The following ITGA2 variants were observed in gnomAD, a reference collection of about 807,000 sequenced individuals.
The protein encoded by ITGA2 is integrin subunit alpha 2.
Under a neutral mutation model 146.3 loss-of-function variants are expected in ITGA2, and 101 were observed. The observed-to-expected ratio is 0.69, with a 90% CI of 0.59 to 0.81. The LOEUF is 0.81. Ranked by LOEUF, ITGA2 falls within the 40% of genes least tolerant of loss-of-function variation. The probability of loss-of-function intolerance (pLI) is 0.00; values close to 1 mark genes in which losing one functional copy is unlikely to be tolerated. For synonymous variants in ITGA2, 477 were observed against 487.1 expected, an observed-to-expected ratio of 0.98 and a Z score of 0.27; for missense variants, 1,281 against 1,402.7, an observed-to-expected ratio of 0.91 and a Z score of 1.39.
At chr5:52,995,251 G>A (rs1178543291) in intron 1 of ITGA2, among the ~76,000 whole-genome samples, 1 of 152,216 alleles carries the variant, frequency 6.6e-6, no homozygotes, top group Non-Finnish European at 1.5e-5. Flanking sequence ...GAAAGGTCTT[G>A]AAGGGCCTTG....
In ITGA2 at chr5:53,083,359, G is replaced by A. The variant is rs746674513; in HGVS notation, c.3164G>A (p.Cys1055Tyr). The change falls in exon 27 of 30, where the codon TGT becomes TAT. Residue 1055 changes from cysteine (C) to tyrosine (Y), a missense_variant. By Grantham distance (194) the Cys-to-Tyr change is radical. Coordinates refer to ENST00000296585, the MANE Select transcript of ITGA2 (RefSeq NM_002203.4). ...TATAAGAACTGCAGAACTGCTTCCTGTAGTAATGTTACCTGCTGGTTGAAA... is the reference window on the plus strand; with the variant it reads ...TATAAGAACTGCAGAACTGCTTCCTATAGTAATGTTACCTGCTGGTTGAAA... ...TKELNCRTASCSNVTCWLKDV... is the reference protein window; with the variant it reads ...TKELNCRTASYSNVTCWLKDV... The A allele has an allele frequency of 1.2e-6, 2 of 1,609,726 alleles. No individual in the cohort carries two copies. The highest frequency in any genetic ancestry group is 1.7e-6 in the Non-Finnish European group (2 of 1,176,102).
chr5:53,070,053 C>A, intron 16 of ITGA2, 56 bp from the exon 17 acceptor site: 1 of 1,443,818 alleles, frequency 6.9e-7, no homozygotes, highest in Non-Finnish European at 9.7e-7. Context: ...AGCAAAGATG[C>A]TTTTTCCTAT....
chr5:53,034,447 T>C (rs937853020), intron 2 of ITGA2, among the ~76,000 whole-genome samples: 3 of 152,016 alleles, frequency 2.0e-5, no homozygotes, highest in Non-Finnish European at 4.4e-5. Context: ...ACACTTTAAA[T>C]ATCTCCTGAT....
At chr5:53,015,875 A>G (rs938538300) in intron 1 of ITGA2, among the ~76,000 whole-genome samples, 5 of 152,080 alleles carry the variant, frequency 3.3e-5, no homozygotes, top group Admixed American at 6.5e-5. Context: ...TGTTGGTTTA[A>G]AGTCAATTTT....
rs144615586 is a variant in ITGA2 at position 53,053,992 on chromosome 5, A to G, written c.780-1546A>G. Among the ~76,000 whole-genome samples, 138 of 152,286 alleles carry G rather than the reference A, an allele frequency of 9.1e-4. 2 individuals are homozygous for G. In the East Asian group the frequency reaches 0.021, roughly 23 times the overall value. On this transcript the variant is annotated intron_variant, in intron 7 of 29. Coordinates refer to ENST00000296585, the MANE Select transcript of ITGA2 (RefSeq NM_002203.4). ...TACAGTGTATCATAAAGAGAATGTG[A>G]CACTCAGAAAGGATCTGATGTGGAT...
intron 3 of ITGA2, 98 bp downstream of exon 3, chr5:53,042,319 C>T (rs1357307781): frequency 1.1e-6 from 1 of 873,648 alleles, no homozygotes; most frequent in Admixed American, 1.8e-5. Flanking sequence ...GAAATACAGA[C>T]AGCTTTTTTT....
intron 16 of ITGA2, 111 bp downstream of exon 16, chr5:53,067,368 A>G (rs1227333343): frequency 1.7e-6 from 2 of 1,167,548 alleles, no homozygotes; most frequent in East Asian, 2.5e-5. Context: ...TTTTAGTTAT[A>G]GACACTTAAG....
intron 29 of ITGA2, 73 bp from the exon 30 acceptor site, chr5:53,090,446 C>A: frequency 7.8e-7 from 1 of 1,275,418 alleles, no homozygotes; most frequent in Non-Finnish European, 1.1e-6. Context: ...AGGACGTGGG[C>A]AGCCAAGGGG....
chr5:53,060,686 A>C (rs993437196), intron 11 of ITGA2, among the ~76,000 whole-genome samples: 1 of 151,940 alleles, frequency 6.6e-6, no homozygotes, highest in Non-Finnish European at 1.5e-5. Flanking sequence ...TATAGGTAGA[A>C]GTCCCACCTG....
chr5:53,026,672 A>G (rs1742962646), intron 1 of ITGA2, 76 bp from the exon 2 acceptor site: 2 of 1,333,452 alleles, frequency 1.5e-6, no homozygotes, highest in African/African-American at 2.9e-5. Flanking sequence ...TTTCTTAAAA[A>G]TGGCCTTTGA....
At chr5:53,068,274 A>T (rs1745234624) in intron 16 of ITGA2, among the ~76,000 whole-genome samples, 1 of 151,944 alleles carries the variant, frequency 6.6e-6, no homozygotes, top group African/African-American at 2.4e-5. Flanking sequence ...GAAGTTTTCC[A>T]TGCAGATGTT....
At chr5:53,033,322 T>A (rs1343881918) in intron 2 of ITGA2, among the ~76,000 whole-genome samples, 1 of 152,078 alleles carries the variant, frequency 6.6e-6, no homozygotes, top group Non-Finnish European at 1.5e-5. Flanking sequence ...CCAATTCTCA[T>A]CTGTCATGGA....
intron 4 of ITGA2, among the ~76,000 whole-genome samples, chr5:53,045,354 A>G (rs934354058): frequency 6.6e-6 from 1 of 152,222 alleles, no homozygotes; most frequent in Admixed American, 6.5e-5. Context: ...GCCCTTGGAA[A>G]GTGTGCTGAG....
chr5:53,042,279 A>G (rs1486964350), intron 3 of ITGA2, 58 bp downstream of exon 3: 1 of 1,049,896 alleles, frequency 9.5e-7, no homozygotes. Context: ...CTGAAAAATA[A>G]CATCAGAACA....
At position 53,071,986 on chromosome 5, in the gene ITGA2, C is replaced by G; in HGVS notation, c.2284C>G (p.Leu762Val). 1 of 1,612,368 alleles carries G rather than the reference C, an allele frequency of 6.2e-7. No individual in the cohort carries two copies. Among genetic ancestry groups the G allele is most frequent in the South Asian group, 1.1e-5 (1 of 91,062 alleles). The change falls in exon 18 of 30, where the codon CTG becomes GTG. Residue 762 changes from leucine (L) to valine (V), a missense_variant. By Grantham distance (32) the Leu-to-Val change is conservative (BLOSUM62 1). Coordinates refer to ENST00000296585, the MANE Select transcript of ITGA2 (RefSeq NM_002203.4). Reference sequence around the variant, plus strand: ...TTTGGATTTGCGTGTGGACATCAGTCTGGAAAACCCTGGCACTAGCCCTGC... The same window carrying G: ...TTTGGATTTGCGTGTGGACATCAGTGTGGAAAACCCTGGCACTAGCCCTGC... The part of the protein sequence containing the change: ...NSLDLRVDIS[L>V]ENPGTSPALE...
chr5:53,042,126 C>A lies in ITGA2; in HGVS notation c.200C>A (p.Ser67Ter), dbSNP rs1449133613. The A allele has an allele frequency of 1.2e-6, 2 of 1,611,254 alleles. No homozygotes were observed. The highest frequency in any genetic ancestry group is 1.7e-6 in the Non-Finnish European group (2 of 1,177,442). Residue 67 changes from serine (S) to a stop codon, truncating the protein, a stop_gained, in exon 3 of 30, where the codon TCA (serine) becomes TAA (stop). Coordinates refer to ENST00000296585, the MANE Select transcript of ITGA2 (RefSeq NM_002203.4). LOFTEE classifies it high-confidence loss of function. ...NPKGNWLLVG[S>*]PWSGFPENRM... ...TGTGTTTCTAGGTTACTGGTTGGTT[C>A]ACCCTGGAGTGGCTTTCCTGAGAAC...
At chr5:53,040,526 C>A (rs1415077842) in intron 2 of ITGA2, among the ~76,000 whole-genome samples, 1 of 152,190 alleles carries the variant, frequency 6.6e-6, no homozygotes, top group Non-Finnish European at 1.5e-5. Flanking sequence ...TAACATCCAA[C>A]ATTCAGATTT....
chr5:53,086,380 AT>A (rs1172523021), intron 27 of ITGA2, among the ~76,000 whole-genome samples: 1 of 152,202 alleles, frequency 6.6e-6, no homozygotes, highest in Non-Finnish European at 1.5e-5. Context: ...CTGATGTGAT[AT>A]AACAAGCTGA....
chr5:53,052,882 A>G (rs1258127207), intron 7 of ITGA2, among the ~76,000 whole-genome samples: 4 of 152,078 alleles, frequency 2.6e-5, no homozygotes, highest in Admixed American at 6.6e-5. Context: ...CAGCAGCAGC[A>G]CTGTTGGGTT....
Sources: allele counts gnomAD v4.1 joint callset (sites outside exome capture counted in the v4.1 genomes callset), GRCh38; gene constraint gnomAD v4.1.1; transcripts MANE v1.5; gene names NCBI Gene and HGNC (gene_info 2026-07-23, HGNC 2026-07-21).